Variants in DNAJC24 observed in about 807,000 individuals in gnomAD.
The protein encoded by DNAJC24 is DnaJ heat shock protein family (Hsp40) member C24.
In DNAJC24, 17 loss-of-function variants were observed where a neutral mutation model predicts 18.0. The ratio of observed to expected loss-of-function variants is 0.94; its 90% confidence interval spans 0.65 to 1.42. The LOEUF (loss-of-function observed/expected upper bound fraction) is 1.42, where lower values mean the gene tolerates loss of function less well. DNAJC24 is among the 40% of genes most tolerant of loss of function. The pLI, the probability that DNAJC24 is intolerant of heterozygous loss-of-function variation, is 0.00. For synonymous variants in DNAJC24, 55 were observed against 57.7 expected (o/e 0.95, Z 0.21); for missense variants, 158 against 175.6 (o/e 0.90, Z 0.57).
At chr11:31,397,870 T>G (rs1186662326) in intron 2 of DNAJC24, among the ~76,000 whole-genome samples, 2 of 151,762 alleles carry the variant, frequency 1.3e-5, no homozygotes, top group Non-Finnish European at 1.5e-5. Context: ...TGGTGCGATC[T>G]CAGCTCACTG....
At chr11:31,378,371 C>A (rs2133468420) in intron 2 of DNAJC24, among the ~76,000 whole-genome samples, 1 of 152,056 alleles carries the variant, frequency 6.6e-6, no homozygotes, top group East Asian at 1.9e-4. Context: ...GAGACTCTAT[C>A]ATAAACAATT....
intron 2 of DNAJC24, among the ~76,000 whole-genome samples, chr11:31,396,770 C>G (rs1369584137): frequency 1.3e-5 from 2 of 152,134 alleles, no homozygotes; most frequent in Non-Finnish European, 2.9e-5. Flanking sequence ...AGGAACAAAT[C>G]CACATTTCTT....
At chr11:31,377,549 T>A (rs1481390473) in intron 2 of DNAJC24, among the ~76,000 whole-genome samples, 1 of 152,090 alleles carries the variant, frequency 6.6e-6, no homozygotes, top group East Asian at 1.9e-4. Flanking sequence ...TATTAGTAAA[T>A]CAATTGTGAA....
chr11:31,385,087 CT>C (rs1952414951), intron 2 of DNAJC24: 1 of 152,126 alleles, frequency 6.6e-6, no homozygotes, highest in African/African-American at 2.4e-5. Context: ...TGCACACTAT[CT>C]TGTAATTTTT....
intron 2 of DNAJC24, among the ~76,000 whole-genome samples, chr11:31,381,427 TCTC>T (rs920978149): frequency 2.6e-5 from 4 of 152,144 alleles, no homozygotes; most frequent in Non-Finnish European, 4.4e-5. Flanking sequence ...TAAAGTCTCT[TCTC>T]ATTCTGTTAA....
chr11:31,394,754 A>G (rs986858086), intron 2 of DNAJC24, among the ~76,000 whole-genome samples: 1 of 152,130 alleles, frequency 6.6e-6, no homozygotes, highest in African/African-American at 2.4e-5. Flanking sequence ...GAAAAAAATA[A>G]ATGAATTAAA....
rs1952953407 is a variant in DNAJC24 at position 31,432,740 on chromosome 11, A to G, written c.*2339A>G. Among the ~76,000 whole-genome samples the G allele has an allele frequency of 6.6e-6, 1 of 152,230 alleles. No individual in the cohort carries two copies. Among genetic ancestry groups the G allele is most frequent in the Non-Finnish European group, 1.5e-5 (1 of 68,032 alleles). ...AAGTAAGACTTGAGAAAATAAACTT[A>G]TGTGTATATATGTTTAAACTCCAAA... On this transcript the variant is annotated 3_prime_UTR_variant, in exon 5 of 5. Transcript: ENST00000465995.
rs1182177151 is a variant in DNAJC24, at chr11:31,399,344, C to G, written c.112-15467C>G. 2.0e-5 allele frequency among the ~76,000 whole-genome samples: 3 copies of G among 152,006 alleles called. No individual in the cohort carries two copies. The East Asian group carries it at 5.8e-4, about 29-fold the overall frequency. On this transcript the variant is annotated intron_variant, in intron 2 of 4. Coordinates refer to ENST00000465995, the MANE Select transcript of DNAJC24 (RefSeq NM_181706.5). ...ATTGCCATGGATTCAGTAATTCAAC[C>G]ACGTATCTTAACCTTTTACATTTCT...
chr11:31,420,883 CT>C (rs1336877874), intron 3 of DNAJC24, among the ~76,000 whole-genome samples: 1 of 152,142 alleles, frequency 6.6e-6, no homozygotes, highest in Non-Finnish European at 1.5e-5. Flanking sequence ...CCTACTTCTG[CT>C]GCTGTTTTAC....
rs1467576635 is a variant in DNAJC24, at chr11:31,431,795, G to C, written c.*1394G>C. On this transcript the variant is annotated 3_prime_UTR_variant, in exon 5 of 5. Transcript: ENST00000465995. Reference sequence around the variant, plus strand: ...CCACTGCACTGCAGCCTGGGCTACAGAGAGCAAGACTCTGTCTCAAAAAAA... The same window carrying C: ...CCACTGCACTGCAGCCTGGGCTACACAGAGCAAGACTCTGTCTCAAAAAAA... 6.6e-6 allele frequency: 1 copy of C among 151,570 alleles called. No homozygotes were observed. The highest frequency in any genetic ancestry group is 2.4e-5 in the African/African-American group (1 of 41,312). The allele number at this position is 151,570 out of a possible 1,614,324, so 9.4% of individuals were successfully genotyped here. A position where few individuals can be genotyped will look rare whatever the true frequency, so the allele number is the denominator to read the frequency against.
intron 2 of DNAJC24, among the ~76,000 whole-genome samples, chr11:31,385,669 CT>C (rs990582927): frequency 7.9e-5 from 12 of 152,044 alleles, no homozygotes; most frequent in African/African-American, 2.9e-4. Flanking sequence ...CTTGAGTGTT[CT>C]TTTTTTCCTC....
chr11:31,407,513 C>T (rs138637307), intron 2 of DNAJC24: 15 of 151,370 alleles, frequency 9.9e-5, no homozygotes, highest in African/African-American at 3.6e-4. Flanking sequence ...ATGGAAACCT[C>T]ATCTCTACAG....
intron 3 of DNAJC24, among the ~76,000 whole-genome samples, chr11:31,423,291 C>T (rs144968831): frequency 1.1e-3 from 169 of 152,272 alleles, no homozygotes; most frequent in African/African-American, 3.9e-3. Context: ...GACGGAGTCT[C>T]GCTCTGTCAC....
chr11:31,391,569 C>G (rs1952496675), intron 2 of DNAJC24, among the ~76,000 whole-genome samples: 1 of 152,096 alleles, frequency 6.6e-6, no homozygotes, highest in South Asian at 2.1e-4. Context: ...GTCATCCCAC[C>G]CCAGTTAAAA....
chr11:31,408,992 T>C (rs1952680278), intron 2 of DNAJC24, among the ~76,000 whole-genome samples: 2 of 152,228 alleles, frequency 1.3e-5, no homozygotes, highest in African/African-American at 4.8e-5. Flanking sequence ...ATTTTGGCTT[T>C]CTACTCAACA....
intron 2 of DNAJC24, among the ~76,000 whole-genome samples, chr11:31,406,036 G>C (rs1224021168): frequency 6.6e-6 from 1 of 152,042 alleles, no homozygotes; most frequent in East Asian, 1.9e-4. Flanking sequence ...CTGTCACAAT[G>C]ACAATGAAAT....
intron 3 of DNAJC24, 56 bp from the exon 4 acceptor site, chr11:31,426,231 G>A (rs1470265693): frequency 2.4e-5 from 28 of 1,150,264 alleles, no homozygotes; most frequent in Non-Finnish European, 3.0e-5. Flanking sequence ...CATTCTTCAA[G>A]GTTACAATTA....
intron 2 of DNAJC24, among the ~76,000 whole-genome samples, chr11:31,389,148 A>G (rs1311724080): frequency 6.6e-6 from 1 of 152,166 alleles, no homozygotes; most frequent in Non-Finnish European, 1.5e-5. Flanking sequence ...GGCAGGAGTA[A>G]GTCCTTACTT....
intron 2 of DNAJC24, among the ~76,000 whole-genome samples, chr11:31,407,704 A>ATATATATATAT (rs1432232897): frequency 1.1e-5 from 1 of 93,006 alleles, no homozygotes; most frequent in African/African-American, 6.0e-5. Context: ...AAAAAAAAAA[A>ATATATATATAT]AAATATATAT....
Sources: allele counts gnomAD v4.1 joint callset (sites outside exome capture counted in the v4.1 genomes callset), GRCh38; gene constraint gnomAD v4.1.1; transcripts MANE v1.5; gene names NCBI Gene and HGNC (gene_info 2026-07-23, HGNC 2026-07-21).